Variants in DZANK1 observed in about 807,000 individuals in gnomAD.
DZANK1 encodes double zinc ribbon and ankyrin repeat-containing protein 1.
A neutral mutation model predicts 94.5 loss-of-function variants in DZANK1; 91 were observed. The observed-to-expected ratio is 0.96, with a 90% CI of 0.81 to 1.15. DZANK1 has a LOEUF of 1.15. Among genes scored for constraint, DZANK1 ranks in the 50% most tolerant of loss-of-function variants. The pLI is 0.00. For synonymous variants in DZANK1, 312 were observed against 325.3 expected (o/e 0.96, Z 0.44); for missense variants, 903 against 916.4 (o/e 0.99, Z 0.19).
intron 8 of DZANK1, 42 bp from the exon 9 acceptor site, chr20:18,433,807 T>A (rs1169943903): frequency 1.3e-6 from 2 of 1,529,954 alleles, no homozygotes; most frequent in South Asian, 1.1e-5. Context: ...ACATAAAAAC[T>A]GAAGGTATGA....
At chr20:18,458,577 C>T (rs16979205) in intron 3 of DZANK1, among the ~76,000 whole-genome samples, 1,780 of 152,280 alleles carry the variant, frequency 0.012, 31 homozygotes, top group African/African-American at 0.04. Context: ...TTTAGATGAA[C>T]CACTTCCTTA....
In DZANK1 at chr20:18,435,845, A is replaced by T. The variant is rs150638499; in HGVS notation, c.748-2080T>A. On this transcript the variant is annotated intron_variant, in intron 8 of 20. Coordinates refer to ENST00000262547, the Ensembl canonical transcript of DZANK1. Reference sequence around the variant, plus strand: ...CTTCTCTAATTAAGAAAAAAAATTTAAAAAAAATAAAAAGCCTGACACTAG... The same window carrying T: ...CTTCTCTAATTAAGAAAAAAAATTTTAAAAAAATAAAAAGCCTGACACTAG... 3.4e-4 allele frequency among the ~76,000 whole-genome samples: 52 copies of T among 152,064 alleles called. No homozygotes were observed. In the South Asian group the frequency reaches 5.2e-3, roughly 15 times the overall value.
chr20:18,454,038 C>A (rs2059199612), intron 4 of DZANK1: 2 of 660,614 alleles, frequency 3.0e-6, no homozygotes, highest in South Asian at 1.4e-5. Flanking sequence ...TGGATGTAGC[C>A]CTCACCAGGT....
At chr20:18,430,523 G>A (rs552747926) in intron 9 of DZANK1, among the ~76,000 whole-genome samples, 3 of 152,312 alleles carry the variant, frequency 2.0e-5, no homozygotes, top group South Asian at 2.1e-4. Context: ...TTTAGAAAAC[G>A]GCCAATGGAG....
At chr20:18,465,464 G>A (rs2059616240) in intron 1 of DZANK1, 87 bp from the exon 2 acceptor site, 2 of 432,434 alleles carry the variant, frequency 4.6e-6, no homozygotes, top group African/African-American at 2.0e-5. Context: ...TAGTTAAAAC[G>A]AGAGAATACT....
chr20:18,398,130 T>C (rs1472672776), intron 14 of DZANK1, among the ~76,000 whole-genome samples: 1 of 152,200 alleles, frequency 6.6e-6, no homozygotes, highest in Non-Finnish European at 1.5e-5. Context: ...ATGAATACAA[T>C]GCTGATGCTG....
chr20:18,465,518 A>G, intron 1 of DZANK1, 141 bp from the exon 2 acceptor site: 1 of 346,560 alleles, frequency 2.9e-6, no homozygotes, highest in South Asian at 1.1e-4. Flanking sequence ...TAATTGAAAT[A>G]ATAATTACAT....
exon 17 of DZANK1, chr20:18,393,807 A>C (rs1186546516): frequency 6.2e-7 from 1 of 1,608,368 alleles, no homozygotes; most frequent in Admixed American, 1.7e-5. Context: ...GGCTGTAGTC[A>C]CTCACTGAAA....
chr20:18,444,886 C>T (rs1468164288), intron 7 of DZANK1, among the ~76,000 whole-genome samples: 1 of 152,098 alleles, frequency 6.6e-6, no homozygotes, highest in Non-Finnish European at 1.5e-5. Flanking sequence ...CTGCAAGCTC[C>T]ACCTCCCGGG....
intron 7 of DZANK1, among the ~76,000 whole-genome samples, chr20:18,448,469 G>A (rs2058965726): frequency 6.6e-6 from 1 of 152,126 alleles, no homozygotes; most frequent in Admixed American, 6.6e-5. Flanking sequence ...GATTGTGACA[G>A]TGTCATGGTT....
At chr20:18,385,931 A>G (rs2048463630) in intron 19 of DZANK1, among the ~76,000 whole-genome samples, 1 of 152,050 alleles carries the variant, frequency 6.6e-6, no homozygotes, top group South Asian at 2.1e-4. Flanking sequence ...GTGAGGGAGG[A>G]GTGGGCAACT....
rs565182452 is a variant in DZANK1, at chr20:18,441,860, T to G, written c.747+1487A>C. 6.6e-6 allele frequency among the ~76,000 whole-genome samples: 1 copy of G among 152,288 alleles called. No homozygotes were observed. Among genetic ancestry groups the G allele is most frequent in the Non-Finnish European group, 1.5e-5 (1 of 68,006 alleles). ...AGACTATCTGGGAAGCTGGCTGGGG[T>G]GCCAGTGGAACTGAGAAGCGTCCAT... On this transcript the variant is annotated intron_variant, in intron 8 of 20. Coordinates refer to ENST00000262547, the Ensembl canonical transcript of DZANK1. This position sits in a 1 kb window ranked among gnomAD's most constrained non-coding sequence, Gnocchi z 4.1.
At position 18,390,546 on chromosome 20, in the gene DZANK1, T is replaced by C. The variant is rs183696407; in HGVS notation, c.1810-87A>G. The C allele has an allele frequency of 3.8e-4, 496 of 1,308,216 alleles. 3 individuals carry two copies. The African/African-American group carries it at 6.5e-3, about 17-fold the overall frequency. 81.0% of individuals were successfully genotyped at this position (1,308,216 alleles called of 1,614,324 possible). On this transcript the variant is annotated intron_variant, in intron 17 of 20. Coordinates refer to ENST00000262547, the Ensembl canonical transcript of DZANK1. ...TTTCTTTCCAACATTGAATTCTAAG[T>C]CACAAGGACAGGTGACTATGAGTGT...
At chr20:18,400,410 T>C (rs1318862378) in intron 13 of DZANK1, among the ~76,000 whole-genome samples, 3 of 152,224 alleles carry the variant, frequency 2.0e-5, no homozygotes, top group Non-Finnish European at 4.4e-5. Context: ...CCCGGCTCCC[T>C]TGCCCATGAG....
intron 9 of DZANK1, chr20:18,432,638 T>C (rs1049646394): frequency 2.6e-5 from 4 of 152,224 alleles, no homozygotes; most frequent in African/African-American, 7.2e-5. Flanking sequence ...ATTTTGCCCA[T>C]ATACAACCCA....
chr20:18,435,885 A>G (rs1472850533), intron 8 of DZANK1, among the ~76,000 whole-genome samples: 1 of 152,176 alleles, frequency 6.6e-6, no homozygotes, highest in Non-Finnish European at 1.5e-5. Flanking sequence ...CATGCCTTGC[A>G]GGGGAGGCAG....
At chr20:18,388,437 T>G (rs919466352) in intron 19 of DZANK1, among the ~76,000 whole-genome samples, 2 of 152,224 alleles carry the variant, frequency 1.3e-5, no homozygotes, top group African/African-American at 4.8e-5. Flanking sequence ...TTCCTCCTCT[T>G]AGCTGGACTC....
At chr20:18,396,428 A>G (rs978690247) in intron 15 of DZANK1, 44 bp downstream of exon 15, 2 of 1,450,066 alleles carry the variant, frequency 1.4e-6, no homozygotes, top group Non-Finnish European at 1.9e-6. Context: ...TCAATTTACT[A>G]ATCGGTCAGT....
intron 14 of DZANK1, among the ~76,000 whole-genome samples, chr20:18,397,840 C>T (rs1348914241): frequency 6.6e-6 from 1 of 152,106 alleles, no homozygotes; most frequent in East Asian, 1.9e-4. Context: ...GCTTGGGCTT[C>T]TCATAGCAGG....
Sources: gnomAD v4.1 joint callset for allele counts (sites outside exome capture counted in the v4.1 genomes callset) on GRCh38, gnomAD v4.1.1 for gene constraint, Gnocchi (gnomAD v3.1) non-coding constraint, MANE v1.5 for transcripts, NCBI Gene and HGNC (gene_info 2026-07-23, HGNC 2026-07-21) for gene names.